The following WWC2 variants were observed in gnomAD, a reference collection of about 807,000 sequenced individuals.
WWC2 encodes the protein WW and C2 domain containing 2.
In WWC2, 101 loss-of-function variants were observed where a neutral mutation model predicts 138.5. The observed-to-expected ratio is 0.73, with a 90% confidence interval of 0.62 to 0.86. The LOEUF (loss-of-function observed/expected upper bound fraction) is 0.86. WWC2 is among the 40% of genes least tolerant of loss of function. The pLI, the probability that WWC2 is intolerant of heterozygous loss-of-function variation, is 0.00. For missense variants in WWC2, 1,420 were observed against 1,419.4 expected (o/e 1.00, Z -0.01); for synonymous variants, 558 against 538.4 (o/e 1.04, Z -0.50).
At chr4:183,149,730 TG>T (rs1161166523) in intron 1 of WWC2, among the ~76,000 whole-genome samples, 3 of 151,690 alleles carry the variant, frequency 2.0e-5, no homozygotes, top group South Asian at 2.1e-4. Flanking sequence ...TCTTGTAAAT[TG>T]ATAGTGGATC....
At chr4:183,284,735 G>A (rs1186662947) in intron 19 of WWC2, among the ~76,000 whole-genome samples, 1 of 152,124 alleles carries the variant, frequency 6.6e-6, no homozygotes, top group Non-Finnish European at 1.5e-5. Flanking sequence ...GTATATTTCT[G>A]TTCTATATCA....
At chr4:183,106,692 G>A (rs1352054321) in intron 1 of WWC2, among the ~76,000 whole-genome samples, 1 of 152,034 alleles carries the variant, frequency 6.6e-6, no homozygotes, top group Admixed American at 6.5e-5. Flanking sequence ...GTATCCCTTT[G>A]TATCTGGCTT....
At chr4:183,154,233 T>G (rs924096860) in intron 1 of WWC2, among the ~76,000 whole-genome samples, 1 of 152,192 alleles carries the variant, frequency 6.6e-6, no homozygotes, top group Non-Finnish European at 1.5e-5. Flanking sequence ...GGCTCTGCCT[T>G]TCACTGGCTG....
chr4:183,258,810 G>T (rs193073876), intron 9 of WWC2, among the ~76,000 whole-genome samples: 5 of 152,248 alleles, frequency 3.3e-5, no homozygotes, highest in African/African-American at 1.2e-4. Flanking sequence ...CCATTCTGCT[G>T]CTTACTGCTC....
At position 183,320,164 on chromosome 4, in the gene WWC2, G is replaced by T. The variant is rs766982242; in HGVS notation, c.*4435G>T. ...GTAAGACAGGATAAAACCCATCCCAGCAAAGATAATGAAACTCCAGCTAGT... is the reference window on the plus strand; with the variant it reads ...GTAAGACAGGATAAAACCCATCCCATCAAAGATAATGAAACTCCAGCTAGT... On this transcript the variant is annotated 3_prime_UTR_variant, in exon 23 of 23. Coordinates refer to ENST00000403733, the MANE Select transcript of WWC2 (RefSeq NM_024949.6). 1 of 1,613,996 alleles carries T rather than the reference G, an allele frequency of 6.2e-7. No individual in the cohort carries two copies. Among genetic ancestry groups the T allele is most frequent in the African/African-American group, 1.3e-5 (1 of 74,914 alleles).
At chr4:183,314,571 T>A (rs572523950) in intron 22 of WWC2, among the ~76,000 whole-genome samples, 2 of 152,342 alleles carry the variant, frequency 1.3e-5, no homozygotes, top group African/African-American at 4.8e-5. Flanking sequence ...CCCCAGCTGC[T>A]TGTTTCACCT....
intron 21 of WWC2, among the ~76,000 whole-genome samples, chr4:183,305,289 A>G (rs55850943): frequency 0.25 from 37,823 of 152,070 alleles, 5,046 homozygotes; most frequent in South Asian, 0.3. Flanking sequence ...AAGATGTACA[A>G]TGTGTTTAAT....
chr4:183,135,884 T>G (rs1733096467), intron 1 of WWC2, among the ~76,000 whole-genome samples: 1 of 152,240 alleles, frequency 6.6e-6, no homozygotes, highest in South Asian at 2.1e-4. Flanking sequence ...AATTCCACTG[T>G]CTTTAGGCTT....
At chr4:183,113,301 T>C (rs547614428) in intron 1 of WWC2, among the ~76,000 whole-genome samples, 5 of 151,886 alleles carry the variant, frequency 3.3e-5, no homozygotes, top group South Asian at 4.2e-4. Context: ...TCTTATGAAA[T>C]GAGGCAGAGA....
rs373945240 is a variant in WWC2, at chr4:183,245,418, T to A, written c.605T>A (p.Ile202Asn). The part of the protein sequence containing the change: ...KEQGFETLQQ[I>N]DKKMSGGQSG... ...TCTTTCTTTTTCTCTTTTCACAGAA[T>A]TGATAAAAAAATGTCTGGAGGCCAG... The change falls in exon 6 of 23, where the codon ATT becomes AAT. Residue 202 changes from isoleucine to asparagine, a missense_variant and splice_region_variant. Ile to Asn is a moderately radical substitution (Grantham distance 149, BLOSUM62 -3). Transcript: ENST00000403733. 4.5e-6 allele frequency: 7 copies of A among 1,550,954 alleles called. No homozygotes were observed. In the African/African-American group the frequency reaches 9.9e-5, roughly 22 times the overall value.
intron 1 of WWC2, among the ~76,000 whole-genome samples, chr4:183,125,015 C>T (rs761710518): frequency 6.6e-5 from 10 of 152,158 alleles, no homozygotes; most frequent in Non-Finnish European, 1.3e-4. Flanking sequence ...TCCCAGTGCT[C>T]ACCATTGCCA....
chr4:183,304,329 A>G lies in WWC2; in HGVS notation c.3385-8012A>G, dbSNP rs190662090. Among the ~76,000 whole-genome samples, 21 of 152,300 alleles carry G rather than the reference A, an allele frequency of 1.4e-4. No individual in the cohort carries two copies. In the East Asian group the frequency reaches 3.3e-3, roughly 24 times the overall value. ...TACTGCTGGAGGCTCACTACAGAGA[A>G]GTCTGAGAGTTAAAAACTGCAGGAG... On this transcript the variant is annotated intron_variant, in intron 21 of 22. Transcript: ENST00000403733.
chr4:183,099,673 TC>T, intron 1 of WWC2, 51 bp downstream of exon 1: 1 of 1,200,930 alleles, frequency 8.3e-7, no homozygotes, highest in Non-Finnish European at 1.0e-6. Context: ...GCGGCTGTTG[TC>T]CCGGAGACCC....
At chr4:183,280,229 GTTTTTTTTTTTTTT>G (rs869235261) in intron 16 of WWC2, among the ~76,000 whole-genome samples, 2 of 65,430 alleles carry the variant, frequency 3.1e-5, no homozygotes, top group African/African-American at 1.2e-4. Flanking sequence ...GATAGCAGCT[GTTTTTTTTTTTTTT>G]TTTTTTTTTT....
chr4:183,284,743 T>C (rs1234274131), intron 19 of WWC2, among the ~76,000 whole-genome samples: 1 of 152,160 alleles, frequency 6.6e-6, no homozygotes, highest in East Asian at 1.9e-4. Flanking sequence ...CTGTTCTATA[T>C]CATATGTCCT....
At chr4:183,247,731 C>CT (rs1178934465) in intron 6 of WWC2, among the ~76,000 whole-genome samples, 2 of 125,006 alleles carry the variant, frequency 1.6e-5, no homozygotes, top group African/African-American at 7.0e-5. Context: ...CTATATACTA[C>CT]ATATATACTA....
intron 5 of WWC2, among the ~76,000 whole-genome samples, chr4:183,241,523 A>G (rs377605829): frequency 1.1e-4 from 17 of 152,316 alleles, no homozygotes; most frequent in African/African-American, 3.8e-4. Flanking sequence ...CATGACCCTG[A>G]TACTCCTTCA....
At chr4:183,202,238 A>G (rs1405063986) in intron 2 of WWC2, among the ~76,000 whole-genome samples, 1 of 152,072 alleles carries the variant, frequency 6.6e-6, no homozygotes. Context: ...AGTCTGAGTT[A>G]GATAAAAGAG....
rs115605228 is a variant in WWC2 at position 183,196,782 on chromosome 4, T to C, written c.241+3074T>C. The stretch of plus-strand genomic sequence containing the variant: ...TCCCTTTGTCTGAAGGCCACATCCT[T>C]CTAGGGGCAGTCTGCTCAGGTGCCA... On this transcript the variant is annotated intron_variant, in intron 2 of 22. Coordinates refer to ENST00000403733, the MANE Select transcript of WWC2 (RefSeq NM_024949.6). Among the ~76,000 whole-genome samples, 166 of 152,256 alleles carry C rather than the reference T, an allele frequency of 1.1e-3. 1 individual carries two copies. The highest frequency in any genetic ancestry group is 3.9e-3 in the African/African-American group (163 of 41,536).
Sources: allele counts gnomAD v4.1 joint callset (sites outside exome capture counted in the v4.1 genomes callset), GRCh38; gene constraint gnomAD v4.1.1; transcripts MANE v1.5; gene names NCBI Gene and HGNC (gene_info 2026-07-23, HGNC 2026-07-21).